The following PRKN variants were observed in gnomAD, a reference collection of about 807,000 sequenced individuals.
The protein encoded by PRKN is parkin RBR E3 ubiquitin protein ligase, also known as E3 ubiquitin-protein ligase parkin.
Under a neutral mutation model 59.5 loss-of-function variants are expected in PRKN, and 56 were observed. The ratio of observed to expected loss-of-function variants is 0.94; its 90% CI spans 0.76 to 1.18. PRKN has a LOEUF of 1.18. Among genes scored for constraint, PRKN ranks in the 50% most tolerant of loss-of-function variants. The pLI, the probability that PRKN is intolerant of heterozygous loss-of-function variation, is 0.00. For synonymous variants in PRKN, 250 were observed against 222.1 expected (o/e 1.13, Z -1.12); for missense variants, 657 against 596.4 (o/e 1.10, Z -1.06).
intron 7 of PRKN, among the ~76,000 whole-genome samples, chr6:161,775,357 C>T (rs3019439): frequency 0.48 from 72,666 of 151,768 alleles, 20,326 homozygotes; most frequent in Admixed American, 0.66. Context: ...ATCCTCCCAC[C>T]TCAGCTTCCC....
intron 4 of PRKN, among the ~76,000 whole-genome samples, chr6:162,146,672 T>C (rs1050512335): frequency 1.3e-5 from 2 of 151,824 alleles, no homozygotes; most frequent in Non-Finnish European, 2.9e-5. Context: ...GCCTGGCTAA[T>C]TTTTGTGTTT....
intron 2 of PRKN, among the ~76,000 whole-genome samples, chr6:162,424,691 C>A (rs1047975287): frequency 1.3e-5 from 2 of 150,430 alleles, no homozygotes; most frequent in Non-Finnish European, 3.0e-5. Flanking sequence ...GCCGAGATCA[C>A]GCCACTGTAT....
At chr6:161,905,913 T>C (rs1215996721) in intron 6 of PRKN, among the ~76,000 whole-genome samples, 1 of 135,442 alleles carries the variant, frequency 7.4e-6, no homozygotes, top group Non-Finnish European at 1.5e-5. Context: ...TAAGCCAAGA[T>C]CACACCACTG....
At chr6:162,249,460 G>A (rs185012582) in intron 3 of PRKN, among the ~76,000 whole-genome samples, 105 of 152,224 alleles carry the variant, frequency 6.9e-4, no homozygotes, top group African/African-American at 2.5e-3. Flanking sequence ...TAGTGCCTAC[G>A]AAGCCCAGTG....
intron 2 of PRKN, among the ~76,000 whole-genome samples, chr6:162,332,072 TA>T (rs2128125075): frequency 6.6e-6 from 1 of 152,278 alleles, no homozygotes; most frequent in South Asian, 2.1e-4. Context: ...ATCTGCTCTT[TA>T]AAGGTTACAA....
intron 1 of PRKN, among the ~76,000 whole-genome samples, chr6:162,448,754 C>G (rs1212639604): frequency 3.9e-5 from 6 of 152,090 alleles, no homozygotes; most frequent in African/African-American, 9.7e-5. Flanking sequence ...GTCATCAACT[C>G]CCAAATCCTT....
intron 3 of PRKN, among the ~76,000 whole-genome samples, chr6:162,249,444 C>A (rs759649901): frequency 6.6e-6 from 1 of 152,130 alleles, no homozygotes; most frequent in Non-Finnish European, 1.5e-5. Context: ...TGACGAGACA[C>A]GTAGCTAGTG....
intron 4 of PRKN, among the ~76,000 whole-genome samples, chr6:162,099,370 A>T (rs1454397325): frequency 1.3e-5 from 2 of 152,234 alleles, no homozygotes; most frequent in Non-Finnish European, 2.9e-5. Context: ...TTTCATACTG[A>T]AACAAGTTAA....
intron 6 of PRKN, among the ~76,000 whole-genome samples, chr6:161,800,419 C>G (rs1791032328): frequency 6.6e-6 from 1 of 152,216 alleles, no homozygotes; most frequent in Non-Finnish European, 1.5e-5. Context: ...GAAATGAACC[C>G]TTTCTGGTTC....
At chr6:162,221,794 T>C (rs1195026446) in intron 3 of PRKN, among the ~76,000 whole-genome samples, 1 of 152,148 alleles carries the variant, frequency 6.6e-6, no homozygotes, top group Non-Finnish European at 1.5e-5. Context: ...TGCAAATTAA[T>C]TGGAAAAAAT....
At chr6:161,795,289 G>A (rs1332252650) in intron 6 of PRKN, among the ~76,000 whole-genome samples, 1 of 144,676 alleles carries the variant, frequency 6.9e-6, no homozygotes, top group African/African-American at 2.6e-5. Context: ...CTGGAGTGCA[G>A]TGGCGCAATC....
rs1157932001 is a variant in PRKN at position 162,387,531 on chromosome 6, A to AACAC, written c.171+55775_171+55778dup. The stretch of plus-strand genomic sequence containing the variant: ...GTTTATTCTTATAAACCCTCCTCAC[A>AACAC]ACACACACACACACACACACACACA... On this transcript the variant is annotated intron_variant, in intron 2 of 11. Coordinates refer to ENST00000366898, the MANE Select transcript of PRKN (RefSeq NM_004562.3). Among the ~76,000 whole-genome samples the AACAC allele has an allele frequency of 6.1e-3, 746 of 121,808 alleles. 10 individuals carry two copies. Among genetic ancestry groups the AACAC allele is most frequent in the African/African-American group, 0.011 (327 of 30,496 alleles). The allele number at this position is 121,808 out of a possible 152,430, so 79.9% of individuals were successfully genotyped here.
At chr6:162,101,815 C>A (rs11966255) in intron 4 of PRKN, among the ~76,000 whole-genome samples, 4,359 of 152,228 alleles carry the variant, frequency 0.029, 227 homozygotes, top group African/African-American at 0.1. Flanking sequence ...GCTTTATTTA[C>A]ATAACTACTT....
intron 1 of PRKN, among the ~76,000 whole-genome samples, chr6:162,556,757 AAAAAAAG>A (rs1454328633): frequency 1.3e-5 from 2 of 151,134 alleles, no homozygotes; most frequent in South Asian, 2.1e-4. Context: ...AAAAAAAAAA[AAAAAAAG>A]AGAAAAGGAA....
At chr6:161,574,284 G>A (rs1489369473) in intron 7 of PRKN, among the ~76,000 whole-genome samples, 1 of 152,134 alleles carries the variant, frequency 6.6e-6, no homozygotes, top group Non-Finnish European at 1.5e-5. Context: ...TAGGGAGACA[G>A]GAAAACGTTA....
chr6:162,237,830 A>C (rs991949623), intron 3 of PRKN, among the ~76,000 whole-genome samples: 3 of 152,030 alleles, frequency 2.0e-5, no homozygotes, highest in Non-Finnish European at 4.4e-5. Flanking sequence ...GCATTTCATT[A>C]TCTCTCCCAG....
intron 6 of PRKN, among the ~76,000 whole-genome samples, chr6:161,920,416 T>C (rs1021633797): frequency 5.3e-5 from 8 of 151,418 alleles, no homozygotes; most frequent in African/African-American, 1.9e-4. Context: ...AAAACAATGG[T>C]AAGTAGATGC....
chr6:162,228,892 T>G (rs1778301464), intron 3 of PRKN, among the ~76,000 whole-genome samples: 1 of 152,148 alleles, frequency 6.6e-6, no homozygotes, highest in East Asian at 1.9e-4. Context: ...CACAGTAACA[T>G]CAGCCTAGCC....
At chr6:162,568,580 GGAGAA>G (rs1780184097) in intron 1 of PRKN, 38 of 847,066 alleles carry the variant, frequency 4.5e-5, no homozygotes, top group Admixed American at 3.1e-4. Context: ...AGCAGGAGAA[GGAGAA>G]GGAGCAGATC....
Sources: gnomAD v4.1 joint callset for allele counts (sites outside exome capture counted in the v4.1 genomes callset) on GRCh38, gnomAD v4.1.1 for gene constraint, MANE v1.5 for transcripts, NCBI Gene and HGNC (gene_info 2026-07-23, HGNC 2026-07-21) for gene names.